The following RTN1 variants were observed in gnomAD, a reference collection of about 807,000 sequenced individuals.
RTN1 encodes the protein reticulon-1.
In RTN1, 25 loss-of-function variants were observed where a neutral mutation model predicts 65.5. The ratio of observed to expected loss-of-function variants is 0.38; its 90% CI spans 0.28 to 0.53. The LOEUF (loss-of-function observed/expected upper bound fraction) is 0.53, where lower values mean the gene tolerates loss of function less well. Among genes scored for constraint, RTN1 ranks in the 20% least tolerant of loss-of-function variants. RTN1 has a pLI of 0.79. For synonymous variants in RTN1, 471 were observed against 447.6 expected, an observed-to-expected ratio of 1.05 and a Z score of -0.66; for missense variants, 983 against 1,025.4, an observed-to-expected ratio of 0.96 and a Z score of 0.57.
At chr14:59,630,726 G>A in intron 3 of RTN1, 2 of 1,115,994 alleles carry the variant, frequency 1.8e-6, no homozygotes, top group Non-Finnish European at 2.2e-6. Flanking sequence ...GGAGCCGCCT[G>A]CGCGCATGGG....
intron 1 of RTN1, among the ~76,000 whole-genome samples, chr14:59,778,666 G>A (rs1265311049): frequency 6.6e-6 from 1 of 152,290 alleles, no homozygotes; most frequent in South Asian, 2.1e-4. Flanking sequence ...GCATACAGCA[G>A]GCACACGGAG....
chr14:59,603,871 G>A lies in RTN1; in HGVS notation c.2163C>T (p.Gly721=). The part of the protein sequence containing the change: ...LLTYVGALFN[G]LTLLLMAVVS... ...TCTTACCCATGAGCAGCAGGGTCAG[G>A]CCATTGAAGAGAGCGCCAACGTAGG... Residue 721 remains glycine, a synonymous_variant, in exon 6 of 9, where the codon GGC becomes GGT. Coordinates refer to ENST00000267484, the MANE Select transcript of RTN1 (RefSeq NM_021136.3). 6.2e-7 allele frequency: 1 copy of A among 1,611,636 alleles called. No homozygotes were observed.
intron 3 of RTN1, among the ~76,000 whole-genome samples, chr14:59,688,415 T>G (rs2140226359): frequency 6.6e-6 from 1 of 152,296 alleles, no homozygotes; most frequent in African/African-American, 2.4e-5. Flanking sequence ...GCGCTGGTGC[T>G]CGTGCATGCC....
chr14:59,674,237 G>A (rs1357442425), intron 3 of RTN1, among the ~76,000 whole-genome samples: 2 of 152,124 alleles, frequency 1.3e-5, no homozygotes, highest in Admixed American at 6.6e-5. Flanking sequence ...AGCTAACTAG[G>A]CCAGATAGCT....
intron 1 of RTN1, among the ~76,000 whole-genome samples, chr14:59,749,533 CTATCTATATATATTTATATAGA>C (rs1885364140): frequency 2.6e-5 from 1 of 38,674 alleles, no homozygotes; most frequent in Non-Finnish European, 3.8e-5. Flanking sequence ...TTATATATAT[CTATCTATATATATTTATATAGA>C]TATCTATATA....
chr14:59,699,977 C>G (rs1404199071), intron 3 of RTN1, among the ~76,000 whole-genome samples: 2 of 152,078 alleles, frequency 1.3e-5, no homozygotes, highest in South Asian at 2.1e-4. Context: ...AAGGGCCAAA[C>G]AGTAAACATT....
intron 3 of RTN1, among the ~76,000 whole-genome samples, chr14:59,685,667 G>T (rs1355254426): frequency 6.6e-6 from 1 of 151,960 alleles, no homozygotes; most frequent in African/African-American, 2.4e-5. Context: ...AATTGAAAAA[G>T]ACACAAATAA....
intron 3 of RTN1, among the ~76,000 whole-genome samples, chr14:59,663,976 C>G (rs1260255873): frequency 1.3e-5 from 2 of 152,054 alleles, no homozygotes; most frequent in Non-Finnish European, 2.9e-5. Flanking sequence ...AGTATATACC[C>G]AAAGGATTAT....
intron 3 of RTN1, among the ~76,000 whole-genome samples, chr14:59,709,284 C>A (rs1002148888): frequency 2.6e-5 from 4 of 151,904 alleles, no homozygotes; most frequent in Non-Finnish European, 4.4e-5. Flanking sequence ...TATGAAAGTT[C>A]ATAATACTAT....
intron 1 of RTN1, among the ~76,000 whole-genome samples, chr14:59,856,123 C>T (rs1021128167): frequency 6.6e-6 from 1 of 152,092 alleles, no homozygotes; most frequent in East Asian, 1.9e-4. Flanking sequence ...TGTGTCCTTC[C>T]ACAGGTCCCA....
chr14:59,765,213 T>G (rs989412996), intron 1 of RTN1, among the ~76,000 whole-genome samples: 1 of 152,012 alleles, frequency 6.6e-6, no homozygotes, highest in Non-Finnish European at 1.5e-5. Context: ...GAAAAAATAG[T>G]GCATTTAAGT....
At chr14:59,776,060 AC>A (rs1886044073) in intron 1 of RTN1, among the ~76,000 whole-genome samples, 1 of 152,126 alleles carries the variant, frequency 6.6e-6, no homozygotes, top group African/African-American at 2.4e-5. Context: ...ATTTTCTATC[AC>A]TTTTTACTCT....
chr14:59,630,636 G>T, intron 3 of RTN1: 4 of 1,361,564 alleles, frequency 2.9e-6, no homozygotes, highest in Non-Finnish European at 3.8e-6. Flanking sequence ...GGCTGCACCA[G>T]GCGGCGCGCG....
At chr14:59,603,146 A>G in intron 7 of RTN1, 23 bp from the exon 8 acceptor site, 1 of 1,611,958 alleles carries the variant, frequency 6.2e-7, no homozygotes, top group East Asian at 2.2e-5. Flanking sequence ...AAAAAAAATA[A>G]TGAGCATATC....
chr14:59,726,172 C>G (rs929556519), intron 3 of RTN1, among the ~76,000 whole-genome samples: 27 of 152,320 alleles, frequency 1.8e-4, no homozygotes, highest in African/African-American at 4.1e-4. Flanking sequence ...GGAAGAATCT[C>G]TTGTACACGT....
At chr14:59,632,926 C>A (rs1233529350) in intron 3 of RTN1, among the ~76,000 whole-genome samples, 1 of 151,900 alleles carries the variant, frequency 6.6e-6, no homozygotes, top group Non-Finnish European at 1.5e-5. Context: ...GAAACCCCAT[C>A]TCTAAAAAAA....
chr14:59,801,165 A>G (rs1159096133), intron 1 of RTN1, among the ~76,000 whole-genome samples: 1 of 152,202 alleles, frequency 6.6e-6, no homozygotes, highest in African/African-American at 2.4e-5. Context: ...TAGAGCAAAA[A>G]TAAGGCAGAA....
At chr14:59,744,988 T>G (rs55787031) in intron 2 of RTN1, among the ~76,000 whole-genome samples, 1 of 152,080 alleles carries the variant, frequency 6.6e-6, no homozygotes, top group Non-Finnish European at 1.5e-5. Flanking sequence ...TATTGAACGA[T>G]GAAGGCTCTG....
chr14:59,856,714 G>A (rs1887615255), intron 1 of RTN1, among the ~76,000 whole-genome samples: 1 of 152,152 alleles, frequency 6.6e-6, no homozygotes, highest in South Asian at 2.1e-4. Flanking sequence ...ATTTGGCTGA[G>A]GTCCAGCTTG....
Sources: allele counts gnomAD v4.1 joint callset (sites outside exome capture counted in the v4.1 genomes callset), GRCh38; gene constraint gnomAD v4.1.1; transcripts MANE v1.5; gene names NCBI Gene and HGNC (gene_info 2026-07-23, HGNC 2026-07-21).